The following LSAMP variants were observed in gnomAD, a reference collection of about 807,000 sequenced individuals.
LSAMP encodes the protein limbic system-associated membrane protein.
In LSAMP, 7 loss-of-function variants were observed where a neutral mutation model predicts 38.6. The ratio of observed to expected loss-of-function variants is 0.18; its 90% CI spans 0.10 to 0.34. The LOEUF (loss-of-function observed/expected upper bound fraction) is 0.34. Ranked by LOEUF, LSAMP falls within the 10% of genes least tolerant of loss-of-function variation. The pLI, the probability that LSAMP is intolerant of heterozygous loss-of-function variation, is 1.00. For missense variants in LSAMP, 313 were observed against 420.0 expected (o/e 0.75, Z 2.23); for synonymous variants, 154 against 166.8 (o/e 0.92, Z 0.59).
chr3:116,444,750 A>C, intron 1 of LSAMP, 127 bp downstream of exon 1: 1 of 1,210,806 alleles, frequency 8.3e-7, no homozygotes, highest in Non-Finnish European at 1.2e-6. Flanking sequence ...ACACACCACA[A>C]GCCTGCAGCA....
At chr3:116,222,905 T>A (rs914602453) in intron 1 of LSAMP, among the ~76,000 whole-genome samples, 2 of 150,128 alleles carry the variant, frequency 1.3e-5, no homozygotes, top group African/African-American at 4.9e-5. Flanking sequence ...CCGGCTAATT[T>A]TTTTTTGTAT....
chr3:115,933,634 T>C (rs1387695671), intron 3 of LSAMP, among the ~76,000 whole-genome samples: 3 of 152,174 alleles, frequency 2.0e-5, no homozygotes, highest in East Asian at 1.9e-4. Context: ...AGCCCTGGTC[T>C]GCATAGGCAT....
chr3:116,296,244 AC>A (rs2047331350), intron 1 of LSAMP, among the ~76,000 whole-genome samples: 2 of 152,064 alleles, frequency 1.3e-5, no homozygotes, highest in Non-Finnish European at 1.5e-5. Context: ...GATTATTTAA[AC>A]CCCAAAGGCT....
intron 3 of LSAMP, among the ~76,000 whole-genome samples, chr3:115,917,580 T>C (rs2107516791): frequency 6.6e-6 from 1 of 152,288 alleles, no homozygotes; most frequent in East Asian, 1.9e-4. Flanking sequence ...TATATTTAAA[T>C]ATTTTCCAAT....
intron 3 of LSAMP, among the ~76,000 whole-genome samples, chr3:115,938,311 C>T (rs1937780981): frequency 6.6e-6 from 1 of 152,086 alleles, no homozygotes; most frequent in Non-Finnish European, 1.5e-5. Flanking sequence ...ACTCATTTGC[C>T]TACATTGAAA....
rs144038767 is a variant in LSAMP, at chr3:116,013,823, C to T, written c.514+5692G>A. 2.6e-3 allele frequency among the ~76,000 whole-genome samples: 394 copies of T among 152,262 alleles called. 2 individuals carry two copies. The highest frequency in any genetic ancestry group is 8.9e-3 in the African/African-American group (369 of 41,564). On this transcript the variant is annotated intron_variant, in intron 3 of 6. Coordinates refer to ENST00000490035, the MANE Select transcript of LSAMP (RefSeq NM_002338.5). ...CCTACATCATGATCTCACATACAGA[C>T]GCTTGCCTGGATTCTTAAATGCATT...
intron 1 of LSAMP, among the ~76,000 whole-genome samples, chr3:116,323,648 T>C (rs1576127474): frequency 6.6e-6 from 1 of 152,126 alleles, no homozygotes; most frequent in Non-Finnish European, 1.5e-5. Flanking sequence ...CTCAGATTCA[T>C]AGGTTCTTGG....
chr3:115,895,103 C>T (rs1298714944), intron 3 of LSAMP, among the ~76,000 whole-genome samples: 2 of 152,092 alleles, frequency 1.3e-5, no homozygotes. Flanking sequence ...CTATGCTTCC[C>T]TCCCATTGAC....
intron 3 of LSAMP, among the ~76,000 whole-genome samples, chr3:115,984,289 A>G (rs1327614215): frequency 6.6e-6 from 1 of 152,192 alleles, no homozygotes; most frequent in African/African-American, 2.4e-5. Context: ...TTTTCTGCAT[A>G]TTAAAATCGT....
Position 116,016,144 on chromosome 3 carries a change from G to A in LSAMP, c.514+3371C>T, listed in dbSNP as rs117993699. On this transcript the variant is annotated intron_variant, in intron 3 of 6. Transcript: ENST00000490035. ...CTCCAAGAAAGACTTCACATTACAGGCTGAAAAGAATCACCTACGGTTTCC... is the reference window on the plus strand; with the variant it reads ...CTCCAAGAAAGACTTCACATTACAGACTGAAAAGAATCACCTACGGTTTCC... 3.1e-4 allele frequency among the ~76,000 whole-genome samples: 47 copies of A among 152,092 alleles called. No individual in the cohort carries two copies. In the East Asian group the frequency reaches 8.5e-3, roughly 27 times the overall value.
intron 1 of LSAMP, among the ~76,000 whole-genome samples, chr3:116,191,243 C>G (rs545595752): frequency 6.6e-6 from 1 of 152,212 alleles, no homozygotes; most frequent in Admixed American, 6.5e-5. Flanking sequence ...AACAAACAAA[C>G]AAAACGAATG....
intron 1 of LSAMP, among the ~76,000 whole-genome samples, chr3:116,162,024 TGAAAG>T (rs1709900437): frequency 6.6e-6 from 1 of 150,868 alleles, no homozygotes; most frequent in Non-Finnish European, 1.5e-5. Flanking sequence ...GAAAAGAAAA[TGAAAG>T]GGAAGTAGGG....
intron 1 of LSAMP, among the ~76,000 whole-genome samples, chr3:116,383,038 T>A (rs974909431): frequency 1.3e-5 from 2 of 152,170 alleles, no homozygotes; most frequent in African/African-American, 4.8e-5. Flanking sequence ...CTCACTAGGA[T>A]GTTGTAAACT....
At position 116,270,640 on chromosome 3, in the gene LSAMP, G is replaced by A. The variant is rs568581977; in HGVS notation, c.155+174237C>T. Among the ~76,000 whole-genome samples the A allele has an allele frequency of 2.6e-5, 4 of 152,188 alleles. No homozygotes were observed. In the South Asian group the frequency reaches 6.2e-4, roughly 24 times the overall value. On this transcript the variant is annotated intron_variant, in intron 1 of 6. Coordinates refer to ENST00000490035, the MANE Select transcript of LSAMP (RefSeq NM_002338.5). ...AGGGCACTACAATTGCTGGAGCCTG[G>A]ACAACTGTGAACTGCCCAGGGGGCC...
intron 6 of LSAMP, among the ~76,000 whole-genome samples, chr3:115,827,429 A>G (rs1410254690): frequency 2.0e-5 from 3 of 149,332 alleles, no homozygotes; most frequent in Non-Finnish European, 4.4e-5. Context: ...TGAGATTCCG[A>G]GGTTTAGAAG....
chr3:116,250,269 A>G (rs953461207), intron 1 of LSAMP, among the ~76,000 whole-genome samples: 8 of 152,212 alleles, frequency 5.3e-5, no homozygotes, highest in African/African-American at 1.4e-4. Flanking sequence ...GTAAGGTAAC[A>G]TATTTTTTTT....
chr3:116,223,348 T>C (rs1388499245), intron 1 of LSAMP, among the ~76,000 whole-genome samples: 4 of 152,336 alleles, frequency 2.6e-5, no homozygotes, highest in East Asian at 1.9e-4. Context: ...ACTTACACTA[T>C]ACCAGGAACT....
intron 1 of LSAMP, among the ~76,000 whole-genome samples, chr3:116,292,239 C>T (rs1466925141): frequency 6.6e-6 from 1 of 152,146 alleles, no homozygotes; most frequent in African/African-American, 2.4e-5. Context: ...AATATATTAA[C>T]AGTCCGTGCA....
At chr3:116,209,037 C>T (rs531726559) in intron 1 of LSAMP, among the ~76,000 whole-genome samples, 1 of 152,306 alleles carries the variant, frequency 6.6e-6, no homozygotes, top group East Asian at 1.9e-4. Flanking sequence ...GACTGCTATG[C>T]TAGCAATCAG....
Sources: allele counts gnomAD v4.1 joint callset (sites outside exome capture counted in the v4.1 genomes callset), GRCh38; gene constraint gnomAD v4.1.1; transcripts MANE v1.5; gene names NCBI Gene and HGNC (gene_info 2026-07-23, HGNC 2026-07-21).